BIN1: variants seen among roughly 807,000 people sequenced by gnomAD.
BIN1 encodes bridging integrator 1.
A neutral mutation model predicts 82.0 loss-of-function variants in BIN1; 53 were observed. That is an observed-to-expected ratio of 0.65 (90% CI 0.52 to 0.81). BIN1 has a LOEUF of 0.81. Among genes scored for constraint, BIN1 ranks in the 40% least tolerant of loss-of-function variants. The pLI, the probability that BIN1 is intolerant of heterozygous loss-of-function variation, is 0.00. For synonymous variants in BIN1, 302 were observed against 328.0 expected (o/e 0.92, Z 0.86); for missense variants, 642 against 784.4 (o/e 0.82, Z 2.17).
At chr2:127,054,302 C>T (rs1573552111) in intron 12 of BIN1, 3 of 449,236 alleles carry the variant, frequency 6.7e-6, no homozygotes, top group Non-Finnish European at 8.3e-6. Flanking sequence ...GTCATAGGTC[C>T]GCCCGTGGCC....
At position 127,107,139 on chromosome 2, in the gene BIN1, C is replaced by T; in HGVS notation, c.-196G>A. 1 of 525,608 alleles carries T rather than the reference C, an allele frequency of 1.9e-6. No individual in the cohort carries two copies. Among genetic ancestry groups the T allele is most frequent in the Non-Finnish European group, 3.0e-6 (1 of 338,138 alleles). The allele number at this position is 525,608 out of a possible 1,614,324, so 32.6% of individuals were successfully genotyped here. The stretch of plus-strand genomic sequence containing the variant: ...GCGAGCCAGCGAGCTAGCCAGCGAG[C>T]GACGCGGGGACAGAGGGAGGGAGAG... On this transcript the variant is annotated 5_prime_UTR_variant, in exon 1 of 19. Coordinates refer to ENST00000316724, the MANE Select transcript of BIN1 (RefSeq NM_139343.3). This position sits in a 1 kb window ranked among gnomAD's most constrained non-coding sequence, Gnocchi z 5.9.
At chr2:127,100,167 C>T (rs140479388) in intron 1 of BIN1, among the ~76,000 whole-genome samples, 6 of 152,348 alleles carry the variant, frequency 3.9e-5, no homozygotes, top group African/African-American at 9.6e-5. Context: ...AAAAAACACA[C>T]AGCACAGGGT....
intron 1 of BIN1, among the ~76,000 whole-genome samples, chr2:127,086,847 G>T (rs557644202): frequency 2.3e-4 from 35 of 149,196 alleles, no homozygotes; most frequent in Non-Finnish European, 4.3e-4. Context: ...CCCAGGAAGC[G>T]CCTGGCCTCA....
rs186641208 is a variant in BIN1 at position 127,069,874 on chromosome 2, G to A, written c.411+121C>T. On this transcript the variant is annotated intron_variant, in intron 5 of 18. Coordinates refer to ENST00000316724, the MANE Select transcript of BIN1 (RefSeq NM_139343.3). ...CAACCCCGGAGGGGTGAAACACCGG[G>A]CCAGGCGCTTCCTGCCTCCAGGACA... The A allele has an allele frequency of 5.4e-5, 54 of 1,004,366 alleles. No individual in the cohort carries two copies. In the East Asian group the frequency reaches 1.2e-3, roughly 23 times the overall value. 62.2% of individuals were successfully genotyped at this position (1,004,366 alleles called of 1,614,324 possible).
At chr2:127,054,474 G>A in intron 12 of BIN1, 1 of 184,632 alleles carries the variant, frequency 5.4e-6, no homozygotes, top group Non-Finnish European at 1.1e-5. Flanking sequence ...CCATGCCACA[G>A]CCACCCTCAG....
At position 127,071,391 on chromosome 2, in the gene BIN1, G is replaced by A. The variant is rs564140546; in HGVS notation, c.166-575C>T. Among the ~76,000 whole-genome samples the A allele has an allele frequency of 4.0e-4, 61 of 152,334 alleles. 4 individuals are homozygous for A. In the South Asian group the frequency reaches 9.3e-3, roughly 23 times the overall value. ...GCACTACAGCAGGGGTGCAGAATGC[G>A]GTGGTCATGGCCAGGATCACTGGCC... On this transcript the variant is annotated intron_variant, in intron 2 of 18. Coordinates refer to ENST00000316724, the MANE Select transcript of BIN1 (RefSeq NM_139343.3).
chr2:127,054,037 G>A lies in BIN1; in HGVS notation c.1132-25C>T, dbSNP rs772316859. On this transcript the variant is annotated intron_variant, in intron 12 of 18. Transcript: ENST00000316724. ...ACTTGGCAGCAGCAGCAGCAGCAGA[G>A]GAGGAAGCAGTTAGTGTTAAGCTGG... is the stretch of plus-strand genomic sequence containing the variant. The A allele has an allele frequency of 1.9e-5, 29 of 1,544,038 alleles. No individual in the cohort carries two copies. The Admixed American group carries it at 5.1e-4, about 27-fold the overall frequency.
intron 1 of BIN1, among the ~76,000 whole-genome samples, chr2:127,103,837 C>T (rs377347119): frequency 2.0e-5 from 3 of 152,212 alleles, no homozygotes; most frequent in East Asian, 1.9e-4. Context: ...ATAGAGGGTT[C>T]GACAAGCCAA....
intron 2 of BIN1, among the ~76,000 whole-genome samples, chr2:127,074,086 C>T (rs886273109): frequency 1.6e-4 from 25 of 152,068 alleles, no homozygotes; most frequent in African/African-American, 6.0e-4. Context: ...GACTAAATCA[C>T]CTGCCATCCT....
chr2:127,060,599 T>A (rs367585396), intron 10 of BIN1: 1 of 1,614,034 alleles, frequency 6.2e-7, no homozygotes, highest in African/African-American at 1.3e-5. Context: ...CCGGTACCTG[T>A]TCTTCTTTCT....
Position 127,068,134 on chromosome 2 carries a change from G to A in BIN1, c.612+29C>T, listed in dbSNP as rs1221566352. 7.5e-6 allele frequency: 12 copies of A among 1,602,468 alleles called. No homozygotes were observed. The highest frequency in any genetic ancestry group is 1.0e-5 in the Non-Finnish European group (12 of 1,172,516). Reference sequence around the variant, plus strand: ...CAGGACGACAGACCGGAAGGCGCCAGCACGTGCAAGGTTAGAAGCCAGTGT... The same window carrying A: ...CAGGACGACAGACCGGAAGGCGCCAACACGTGCAAGGTTAGAAGCCAGTGT... On this transcript the variant is annotated intron_variant, in intron 7 of 18. Transcript: ENST00000316724. The surrounding 1 kb of genome is among the most constrained non-coding windows in gnomAD (Gnocchi z 4.9).
chr2:127,070,528 G>T, intron 4 of BIN1, 25 bp downstream of exon 4: 1 of 1,612,954 alleles, frequency 6.2e-7, no homozygotes, highest in East Asian at 2.2e-5. Flanking sequence ...TCTGAGAAGG[G>T]CAGGCCCACC....
At chr2:127,076,538 C>T (rs1476472412) in intron 2 of BIN1, 88 bp downstream of exon 2, 73 of 1,467,900 alleles carry the variant, frequency 5.0e-5, no homozygotes, top group Non-Finnish European at 6.6e-5. Flanking sequence ...TCCAAGCTCT[C>T]GTACTCCACA....
In BIN1 at chr2:127,068,926, T is replaced by C; in HGVS notation, c.517A>G (p.Lys173Glu). 6.2e-7 allele frequency: 1 copy of C among 1,613,918 alleles called. No individual in the cohort carries two copies. The highest frequency in any genetic ancestry group is 8.5e-7 in the Non-Finnish European group (1 of 1,179,804). ...AKKKDEAKIA[K>E]PVSLLEKAAP... Reference sequence around the variant, plus strand: ...CCCGACCCGCCTCCAGCCCTTACCTTGGCAATTTTGGCTTCATCCTTCTTT... The same window carrying C: ...CCCGACCCGCCTCCAGCCCTTACCTCGGCAATTTTGGCTTCATCCTTCTTT... Residue 173 changes from lysine to glutamate, a missense_variant and splice_region_variant, in exon 6 of 19, where the codon AAG becomes GAG. By Grantham distance (56) the Lys-to-Glu change is moderately conservative (BLOSUM62 1). Coordinates refer to ENST00000316724, the MANE Select transcript of BIN1 (RefSeq NM_139343.3). This position sits in a 1 kb window ranked among gnomAD's most constrained non-coding sequence, Gnocchi z 4.9.
Position 127,050,897 on chromosome 2 carries a change from C to T in BIN1, c.1477G>A (p.Val493Ile). ...GTTGCTGGGAAGGTCTCCACCACGA[C>T]AGCAGGAAGAGAGCTCTGGTGGCAG... The part of the protein sequence containing the change: ...SEAASSSLPA[V>I]VVETFPATVN... Residue 493 changes from valine (V) to isoleucine (I), a missense_variant, in exon 17 of 19, where the codon GTC becomes ATC. Transcript: ENST00000316724. 6.2e-7 allele frequency: 1 copy of T among 1,614,012 alleles called. No individual in the cohort carries two copies. The highest frequency in any genetic ancestry group is 1.3e-5 in the African/African-American group (1 of 75,060).
At position 127,057,082 on chromosome 2, in the gene BIN1, G is replaced by A. The variant is rs1307042014; in HGVS notation, c.1131+391C>T. 2.0e-5 allele frequency among the ~76,000 whole-genome samples: 3 copies of A among 152,224 alleles called. No individual in the cohort carries two copies. Among genetic ancestry groups the A allele is most frequent in the African/African-American group, 4.8e-5 (2 of 41,466 alleles). ...GGGGCTGACAGCAGCTGTGGGAGCT[G>A]AAGTCCAGGTGCTTCAGCCATTCCA... is the stretch of plus-strand genomic sequence containing the variant. On this transcript the variant is annotated intron_variant, in intron 12 of 18. Coordinates refer to ENST00000316724, the MANE Select transcript of BIN1 (RefSeq NM_139343.3). This position sits in a 1 kb window ranked among gnomAD's most constrained non-coding sequence, Gnocchi z 5.0.
chr2:127,074,031 G>C (rs1430653260), intron 2 of BIN1, among the ~76,000 whole-genome samples: 1 of 152,082 alleles, frequency 6.6e-6, no homozygotes, highest in East Asian at 1.9e-4. Flanking sequence ...CCTCTCCTAG[G>C]GCCCCCCACC....
chr2:127,079,540 C>G (rs1222126521), intron 1 of BIN1, among the ~76,000 whole-genome samples: 1 of 152,216 alleles, frequency 6.6e-6, no homozygotes, highest in East Asian at 1.9e-4. Context: ...ATGGCAAACT[C>G]CTATGCATCC....
intron 1 of BIN1, among the ~76,000 whole-genome samples, chr2:127,103,828 T>C (rs915850435): frequency 6.6e-6 from 1 of 152,240 alleles, no homozygotes; most frequent in Non-Finnish European, 1.5e-5. Context: ...CAATCATTTA[T>C]AGAGGGTTCG....
Sources: allele counts gnomAD v4.1 joint callset (sites outside exome capture counted in the v4.1 genomes callset), GRCh38; gene constraint gnomAD v4.1.1; non-coding constraint Gnocchi (gnomAD v3.1); transcripts MANE v1.5; gene names NCBI Gene and HGNC (gene_info 2026-07-23, HGNC 2026-07-21).